Variants in MEGF10 observed in about 807,000 individuals in gnomAD.
MEGF10 encodes multiple epidermal growth factor-like domains protein 10.
A neutral mutation model predicts 147.5 loss-of-function variants in MEGF10; 86 were observed. That is an observed-to-expected ratio of 0.58 (90% CI 0.49 to 0.70). MEGF10 has a LOEUF of 0.70. MEGF10 is among the 30% of genes least tolerant of loss of function. The pLI, the probability that MEGF10 is intolerant of heterozygous loss-of-function variation, is 0.00. For synonymous variants in MEGF10, 478 were observed against 525.5 expected (o/e 0.91, Z 1.24); for missense variants, 1,329 against 1,487.3 (o/e 0.89, Z 1.75).
chr5:127,393,534 T>C (rs1293212161), intron 5 of MEGF10, among the ~76,000 whole-genome samples: 1 of 152,040 alleles, frequency 6.6e-6, no homozygotes, highest in Non-Finnish European at 1.5e-5. Context: ...CTTATACCTA[T>C]TTGTCTGTAA....
At chr5:127,284,865 G>A in the MEGF10 span, among the ~76,000 whole-genome samples, 2 of 152,038 alleles carry the variant, frequency 1.3e-5, no homozygotes, top group Admixed American at 6.6e-5. Flanking sequence ...GGAAATTATG[G>A]GTATAAGAAG....
chr5:127,374,361 A>G (rs1738702025), intron 5 of MEGF10, among the ~76,000 whole-genome samples: 1 of 152,232 alleles, frequency 6.6e-6, no homozygotes, highest in South Asian at 2.1e-4. Flanking sequence ...CAATAGAAAA[A>G]TATTTGGAGG....
At chr5:127,295,201 T>C (rs1459105174) in intron 1 of MEGF10, among the ~76,000 whole-genome samples, 4 of 152,216 alleles carry the variant, frequency 2.6e-5, no homozygotes, top group South Asian at 4.1e-4. Flanking sequence ...CTACATATTA[T>C]AGGGGATTCT....
intron 5 of MEGF10, among the ~76,000 whole-genome samples, chr5:127,390,309 A>T (rs1302070884): frequency 5.4e-5 from 8 of 147,436 alleles, no homozygotes; most frequent in African/African-American, 2.0e-4. Context: ...TTTTTTTTTG[A>T]GACAGAATCC....
intron 4 of MEGF10, among the ~76,000 whole-genome samples, chr5:127,362,711 A>G (rs954853757): frequency 6.6e-6 from 1 of 152,118 alleles, no homozygotes; most frequent in African/African-American, 2.4e-5. Flanking sequence ...TATAAGCAGC[A>G]TATTGTTAGG....
At chr5:127,345,571 C>A (rs1043564338) in intron 4 of MEGF10, among the ~76,000 whole-genome samples, 1 of 152,050 alleles carries the variant, frequency 6.6e-6, no homozygotes, top group African/African-American at 2.4e-5. Context: ...TCTGTGATTC[C>A]TTGTGGTGGT....
chr5:127,379,790 G>A (rs1236797296), intron 5 of MEGF10, among the ~76,000 whole-genome samples: 1 of 151,678 alleles, frequency 6.6e-6, no homozygotes, highest in Non-Finnish European at 1.5e-5. Flanking sequence ...AGTAGAGATG[G>A]GATTTCACCA....
At chr5:127,438,790 C>T (rs1297483055) in intron 17 of MEGF10, among the ~76,000 whole-genome samples, 3 of 152,220 alleles carry the variant, frequency 2.0e-5, no homozygotes, top group Non-Finnish European at 2.9e-5. Context: ...TAGAGCAATG[C>T]TGTGTGATGG....
At chr5:127,268,842 G>C in the MEGF10 span, among the ~76,000 whole-genome samples, 1 of 152,242 alleles carries the variant, frequency 6.6e-6, no homozygotes, top group South Asian at 2.1e-4. Context: ...ACCCCCAAGT[G>C]GGGGCAGACT....
chr5:127,304,285 T>G (rs1759911205), intron 1 of MEGF10, among the ~76,000 whole-genome samples: 1 of 152,192 alleles, frequency 6.6e-6, no homozygotes, highest in South Asian at 2.1e-4. Context: ...TTTTGAAGCA[T>G]CCTGGCCTGA....
chr5:127,304,110 G>A (rs1208780024), intron 1 of MEGF10, among the ~76,000 whole-genome samples: 4 of 152,142 alleles, frequency 2.6e-5, no homozygotes, highest in East Asian at 1.9e-4. Flanking sequence ...TTAATATGCT[G>A]TATGATTTTG....
At chr5:127,326,561 T>C (rs536632127) in intron 1 of MEGF10, among the ~76,000 whole-genome samples, 39 of 152,302 alleles carry the variant, frequency 2.6e-4, no homozygotes, top group African/African-American at 7.2e-4. Flanking sequence ...ACATCTTTAA[T>C]GCACTGAAGC....
At chr5:127,385,064 T>G (rs1454000572) in intron 5 of MEGF10, among the ~76,000 whole-genome samples, 2 of 152,216 alleles carry the variant, frequency 1.3e-5, no homozygotes, top group Non-Finnish European at 2.9e-5. Flanking sequence ...GGAAAATTAT[T>G]TTGGTCTCCT....
At chr5:127,342,929 TTG>T (rs1761737559) in intron 4 of MEGF10, among the ~76,000 whole-genome samples, 2 of 152,084 alleles carry the variant, frequency 1.3e-5, no homozygotes, top group Non-Finnish European at 2.9e-5. Context: ...CTAAAATATT[TTG>T]TGTCTCTCCA....
chr5:127,415,972 C>T (rs1318732129), intron 9 of MEGF10, among the ~76,000 whole-genome samples: 1 of 149,630 alleles, frequency 6.7e-6, no homozygotes, highest in East Asian at 2.0e-4. Flanking sequence ...GAAATTTGGA[C>T]AATTAGGGGT....
intron 5 of MEGF10, among the ~76,000 whole-genome samples, chr5:127,388,791 C>T (rs550887524): frequency 4.6e-5 from 7 of 152,086 alleles, no homozygotes; most frequent in Non-Finnish European, 1.0e-4. Flanking sequence ...GTGATCCACC[C>T]GCCTCAGCCT....
chr5:127,373,554 A>C (rs1000643703), intron 5 of MEGF10, among the ~76,000 whole-genome samples: 1 of 152,152 alleles, frequency 6.6e-6, no homozygotes, highest in East Asian at 1.9e-4. Flanking sequence ...TTCCTACTGC[A>C]GCCCTAAAAT....
chr5:127,450,950 G>T (rs956129808), intron 22 of MEGF10, among the ~76,000 whole-genome samples: 4 of 151,976 alleles, frequency 2.6e-5, no homozygotes, highest in African/African-American at 9.7e-5. Flanking sequence ...GTAGAGACAG[G>T]GTTTCTCCAT....
chr5:127,393,480 C>G (rs1474207090), intron 5 of MEGF10, among the ~76,000 whole-genome samples: 1 of 152,174 alleles, frequency 6.6e-6, no homozygotes, highest in Non-Finnish European at 1.5e-5. Context: ...AAGGAAGTCA[C>G]GGTAATGTCT....
Sources: gnomAD v4.1 joint callset for allele counts (sites outside exome capture counted in the v4.1 genomes callset) on GRCh38, gnomAD v4.1.1 for gene constraint, MANE v1.5 for transcripts, NCBI Gene and HGNC (gene_info 2026-07-23, HGNC 2026-07-21) for gene names.